The following KCNN2 variants were observed in gnomAD, a reference collection of about 807,000 sequenced individuals.
KCNN2 encodes potassium calcium-activated channel subfamily N member 2, also known as small conductance calcium-activated potassium channel protein 2.
A neutral mutation model predicts 55.5 loss-of-function variants in KCNN2; 24 were observed. That is an observed-to-expected ratio of 0.43 (90% confidence interval 0.31 to 0.61). KCNN2 has a LOEUF of 0.61. KCNN2 is among the 20% of genes least tolerant of loss of function. The pLI is 0.08. For missense variants in KCNN2, 754 were observed against 853.6 expected, an observed-to-expected ratio of 0.88 and a Z score of 1.45; for synonymous variants, 431 against 336.1, an observed-to-expected ratio of 1.28 and a Z score of -3.09.
At chr5:114,066,845 C>T (rs929806276) in intron 1 of KCNN2, among the ~76,000 whole-genome samples, 17 of 152,146 alleles carry the variant, frequency 1.1e-4, no homozygotes, top group African/African-American at 4.1e-4. Context: ...TCCCAAAGTG[C>T]TGGGATTACA....
At chr5:114,121,903 C>G (rs938248972) in intron 1 of KCNN2, among the ~76,000 whole-genome samples, 1 of 152,124 alleles carries the variant, frequency 6.6e-6, no homozygotes, top group Admixed American at 6.5e-5. Flanking sequence ...TTTAATAATG[C>G]CAGGATTATG....
intron 3 of KCNN2, among the ~76,000 whole-genome samples, chr5:114,411,793 A>C (rs994913540): frequency 1.4e-4 from 21 of 152,262 alleles, no homozygotes; most frequent in African/African-American, 3.1e-4. Flanking sequence ...GCTGACTCAC[A>C]CACCAGTCTC....
chr5:114,197,645 C>G (rs1753587212), intron 1 of KCNN2, among the ~76,000 whole-genome samples: 1 of 152,066 alleles, frequency 6.6e-6, no homozygotes, highest in Non-Finnish European at 1.5e-5. Flanking sequence ...GTCTCACCTG[C>G]CTGGAATAAG....
At chr5:114,166,945 T>C (rs556002237) in intron 1 of KCNN2, among the ~76,000 whole-genome samples, 2 of 152,262 alleles carry the variant, frequency 1.3e-5, no homozygotes, top group South Asian at 4.1e-4. Flanking sequence ...AACCAGGAAT[T>C]GGTCCCTCAT....
At chr5:114,442,285 T>TAG (rs949697716) in intron 3 of KCNN2, among the ~76,000 whole-genome samples, 4 of 150,814 alleles carry the variant, frequency 2.7e-5, no homozygotes, top group Non-Finnish European at 4.4e-5. Context: ...ACTGTATATA[T>TAG]AGAGAGAGAG....
chr5:114,321,793 C>T (rs2150029752), intron 2 of KCNN2, among the ~76,000 whole-genome samples: 1 of 152,230 alleles, frequency 6.6e-6, no homozygotes, highest in East Asian at 1.9e-4. Context: ...CCTCAGCCTC[C>T]TGAGTAGCTG....
chr5:114,467,909 C>A (rs745559771), intron 4 of KCNN2, among the ~76,000 whole-genome samples: 4 of 152,068 alleles, frequency 2.6e-5, no homozygotes, highest in African/African-American at 7.2e-5. Context: ...AGATTTAAAC[C>A]GAGGGATGAT....
chr5:114,394,919 A>G (rs956334038), intron 2 of KCNN2, among the ~76,000 whole-genome samples: 4 of 151,912 alleles, frequency 2.6e-5, no homozygotes, highest in Non-Finnish European at 5.9e-5. Context: ...CTCCCTTGTT[A>G]CTCTTCCTTT....
chr5:114,166,408 T>C (rs1474838942), intron 1 of KCNN2, among the ~76,000 whole-genome samples: 2 of 152,178 alleles, frequency 1.3e-5, no homozygotes, highest in Non-Finnish European at 2.9e-5. Context: ...GGTATGTCTC[T>C]GATCAACTTA....
chr5:114,464,809 TA>T (rs36172859), intron 4 of KCNN2, among the ~76,000 whole-genome samples: 21,943 of 129,882 alleles, frequency 0.17, 1,711 homozygotes, highest in Middle Eastern at 0.2. Context: ...TAGTGAACTT[TA>T]AAAAAAAAAA....
intron 2 of KCNN2, among the ~76,000 whole-genome samples, chr5:114,249,541 C>A (rs542008752): frequency 1.5e-3 from 230 of 152,070 alleles, no homozygotes; most frequent in African/African-American, 5.3e-3. Context: ...CCTGCCTCGG[C>A]CTCCCAAAGT....
At chr5:114,074,330 G>A (rs933727482) in intron 1 of KCNN2, among the ~76,000 whole-genome samples, 5 of 98,062 alleles carry the variant, frequency 5.1e-5, no homozygotes, top group African/African-American at 8.2e-5. Context: ...GTGTGTGTGT[G>A]CGCGCGCGCG....
intron 1 of KCNN2, among the ~76,000 whole-genome samples, chr5:114,150,912 T>A (rs558465983): frequency 1.3e-5 from 2 of 152,120 alleles, no homozygotes; most frequent in Admixed American, 1.3e-4. Context: ...TCCCAGCTAC[T>A]CAGGAGGATG....
chr5:114,397,650 A>T (rs1418483417), intron 2 of KCNN2, among the ~76,000 whole-genome samples: 2 of 152,192 alleles, frequency 1.3e-5, no homozygotes, highest in Non-Finnish European at 1.5e-5. Flanking sequence ...GGCCACCCAA[A>T]GTGCTGGGAT....
chr5:114,131,951 C>T (rs548815631), intron 1 of KCNN2, among the ~76,000 whole-genome samples: 1 of 152,088 alleles, frequency 6.6e-6, no homozygotes, highest in East Asian at 1.9e-4. Context: ...TGTTCATGTC[C>T]TTTGCCCACT....
chr5:114,238,591 A>G (rs1754555462), intron 2 of KCNN2, among the ~76,000 whole-genome samples: 1 of 150,946 alleles, frequency 6.6e-6, no homozygotes, highest in African/African-American at 2.4e-5. Flanking sequence ...GCGGCACTGC[A>G]CTCCAGTCTG....
At chr5:114,478,298 G>A (rs1762061903) in intron 5 of KCNN2, among the ~76,000 whole-genome samples, 1 of 152,158 alleles carries the variant, frequency 6.6e-6, no homozygotes, top group African/African-American at 2.4e-5. Flanking sequence ...TTTAAACTAT[G>A]TTGTCATTAC....
At chr5:114,465,639 A>T (rs1359230089) in intron 4 of KCNN2, among the ~76,000 whole-genome samples, 1 of 152,054 alleles carries the variant, frequency 6.6e-6, no homozygotes, top group Admixed American at 6.5e-5. Flanking sequence ...GAGAGAGGTT[A>T]TAGTACCATT....
chr5:114,476,649 G>T (rs539896980), intron 5 of KCNN2, among the ~76,000 whole-genome samples: 1 of 151,992 alleles, frequency 6.6e-6, no homozygotes, highest in Non-Finnish European at 1.5e-5. Context: ...TGGAACTCCC[G>T]ACCTCAGGTG....
Sources: gnomAD v4.1 joint callset for allele counts (sites outside exome capture counted in the v4.1 genomes callset) on GRCh38, gnomAD v4.1.1 for gene constraint, MANE v1.5 for transcripts, NCBI Gene and HGNC (gene_info 2026-07-23, HGNC 2026-07-21) for gene names.